The following MCTP2 variants were observed in gnomAD, a reference collection of about 807,000 sequenced individuals.
MCTP2 encodes multiple C2 and transmembrane domain-containing protein 2.
MCTP2 carries 132 observed loss-of-function variants against 111.6 expected under a neutral mutation model. That is an observed-to-expected ratio of 1.18 (90% CI 1.03 to 1.37). The LOEUF is 1.37. Among genes scored for constraint, MCTP2 ranks in the 40% most tolerant of loss-of-function variants. MCTP2 has a pLI of 0.00. For synonymous variants in MCTP2, 395 were observed against 387.7 expected (o/e 1.02, Z -0.22); for missense variants, 1,183 against 1,067.9 (o/e 1.11, Z -1.50).
At position 94,252,688 on chromosome 15, in the gene MCTP2, A is replaced by G. The variant is rs1470184123; in HGVS notation, c.-66+21024A>G. On this transcript the variant is annotated intron_variant, in intron 1 of 22. Coordinates refer to ENST00000357742, the MANE Select transcript of MCTP2 (RefSeq NM_001385001.1). ...AAGGTATCACAGCTTAAACTTTTCT[A>G]ATTCTAAAGTTTGTAATCTGTCACC... is the stretch of plus-strand genomic sequence containing the variant. Among the ~76,000 whole-genome samples the G allele has an allele frequency of 2.6e-5, 4 of 151,658 alleles. No individual in the cohort carries two copies. The East Asian group carries it at 5.8e-4, about 22-fold the overall frequency.
chr15:94,257,567 T>TTG (rs1491495614), intron 1 of MCTP2, among the ~76,000 whole-genome samples: 1 of 35,010 alleles, frequency 2.9e-5, no homozygotes, highest in Non-Finnish European at 6.0e-5. Context: ...ATTTTCTTTG[T>TTG]TGTTTTTTTT....
At chr15:94,395,704 G>A (rs1420696481) in intron 14 of MCTP2, among the ~76,000 whole-genome samples, 1 of 151,880 alleles carries the variant, frequency 6.6e-6, no homozygotes, top group Non-Finnish European at 1.5e-5. Context: ...CTTACTGCTT[G>A]GTAAATATAT....
intron 7 of MCTP2, chr15:94,343,220 TG>T (rs1365227452): frequency 2.0e-5 from 3 of 152,078 alleles, no homozygotes; most frequent in African/African-American, 7.2e-5. Context: ...TTGGGAGCCT[TG>T]GGGTAAAATA....
intron 8 of MCTP2, among the ~76,000 whole-genome samples, chr15:94,353,615 T>A (rs528099712): frequency 6.6e-6 from 1 of 152,330 alleles, no homozygotes; most frequent in South Asian, 2.1e-4. Context: ...CTCCCTTTTT[T>A]ATAAAAAGGA....
chr15:94,390,089 T>TATAC (rs1567602819), intron 14 of MCTP2, among the ~76,000 whole-genome samples: 4 of 13,606 alleles, frequency 2.9e-4, no homozygotes, highest in Non-Finnish European at 4.3e-4. Flanking sequence ...TATATATATA[T>TATAC]GTATATATAT....
In MCTP2 at chr15:94,386,178, G is replaced by A. The variant is rs906972317; in HGVS notation, c.1788+653G>A. On this transcript the variant is annotated intron_variant, in intron 14 of 22. Transcript: ENST00000357742. ...AAAGAATGCCTTTACATGGGTCGGG[G>A]GGAAGCTGGGGAGTGAATTCATCTC... 2.6e-5 allele frequency among the ~76,000 whole-genome samples: 4 copies of A among 152,092 alleles called. No individual in the cohort carries two copies. In the South Asian group the frequency reaches 8.3e-4, roughly 32 times the overall value.
At chr15:94,244,328 G>GTATA (rs200339267) in intron 1 of MCTP2, among the ~76,000 whole-genome samples, 2 of 146,018 alleles carry the variant, frequency 1.4e-5, no homozygotes, top group African/African-American at 5.1e-5. Context: ...GTATACACAT[G>GTATA]TATATATACA....
intron 19 of MCTP2, among the ~76,000 whole-genome samples, chr15:94,449,732 T>C (rs979734672): frequency 2.6e-5 from 4 of 152,178 alleles, no homozygotes; most frequent in African/African-American, 9.7e-5. Flanking sequence ...TTAATAATGA[T>C]TTTTTAACTT....
At chr15:94,415,987 A>T in intron 17 of MCTP2, among the ~76,000 whole-genome samples, 1 of 152,180 alleles carries the variant, frequency 6.6e-6, no homozygotes. Flanking sequence ...TCTGTTTGTG[A>T]AGAGCATAAT....
chr15:94,236,327 T>C (rs1048561906), intron 1 of MCTP2, among the ~76,000 whole-genome samples: 1 of 151,350 alleles, frequency 6.6e-6, no homozygotes, highest in Admixed American at 6.6e-5. Flanking sequence ...ATTTTTTTTT[T>C]CTGGTAAAAA....
intron 6 of MCTP2, among the ~76,000 whole-genome samples, 167 bp from the exon 7 acceptor site, chr15:94,340,646 C>G (rs1196379086): frequency 1.3e-5 from 2 of 152,166 alleles, no homozygotes; most frequent in Admixed American, 1.3e-4. Context: ...AACAGTTTCT[C>G]TACTCTGAAT....
chr15:94,266,899 G>T (rs981797037), intron 1 of MCTP2, among the ~76,000 whole-genome samples: 1 of 152,192 alleles, frequency 6.6e-6, no homozygotes, highest in African/African-American at 2.4e-5. Flanking sequence ...ATGTTTGAGG[G>T]ACTTGGAAGA....
chr15:94,349,687 GCA>G (rs2078193733), intron 8 of MCTP2, among the ~76,000 whole-genome samples: 3 of 152,004 alleles, frequency 2.0e-5, no homozygotes, highest in Non-Finnish European at 4.4e-5. Flanking sequence ...GGGCGTGGTG[GCA>G]TGCGCCTGTA....
intron 22 of MCTP2, 32 bp from the exon 23 acceptor site, chr15:94,478,934 A>G (rs1212986787): frequency 6.2e-7 from 1 of 1,610,270 alleles, no homozygotes; most frequent in South Asian, 1.1e-5. Context: ...GGGTTACCTA[A>G]CCGCCAGCAT....
intron 7 of MCTP2, among the ~76,000 whole-genome samples, chr15:94,344,394 A>G (rs968717477): frequency 5.3e-5 from 8 of 152,144 alleles, no homozygotes; most frequent in African/African-American, 1.9e-4. Flanking sequence ...TAACCTCCCA[A>G]ATTTATCCAA....
intron 4 of MCTP2, among the ~76,000 whole-genome samples, chr15:94,337,186 G>A (rs545252342): frequency 1.3e-5 from 2 of 152,124 alleles, no homozygotes; most frequent in Admixed American, 6.5e-5. Context: ...AACAATTAAC[G>A]CGGCACTAAC....
At chr15:94,331,619 GT>G (rs2077137044) in intron 4 of MCTP2, among the ~76,000 whole-genome samples, 1 of 152,142 alleles carries the variant, frequency 6.6e-6, no homozygotes. Context: ...TTTATAAATA[GT>G]TAAACAAGTT....
intron 1 of MCTP2, among the ~76,000 whole-genome samples, chr15:94,281,726 T>C (rs908394670): frequency 6.6e-6 from 1 of 152,186 alleles, no homozygotes; most frequent in Non-Finnish European, 1.5e-5. Context: ...AGCATTCCCA[T>C]AAGGACCTCT....
intron 12 of MCTP2, among the ~76,000 whole-genome samples, chr15:94,377,795 AC>A (rs769247394): frequency 2.1e-4 from 32 of 152,236 alleles, no homozygotes; most frequent in South Asian, 4.1e-4. Flanking sequence ...GACTGCAGAT[AC>A]CGCAGGAAGT....
Sources: gnomAD v4.1 joint callset for allele counts (sites outside exome capture counted in the v4.1 genomes callset) on GRCh38, gnomAD v4.1.1 for gene constraint, MANE v1.5 for transcripts, NCBI Gene and HGNC (gene_info 2026-07-23, HGNC 2026-07-21) for gene names.